Variants in FAM184A observed in about 807,000 individuals in gnomAD.
FAM184A encodes the protein protein FAM184A.
A neutral mutation model predicts 143.8 loss-of-function variants in FAM184A; 99 were observed. The ratio of observed to expected loss-of-function variants is 0.69; its 90% CI spans 0.58 to 0.81. The LOEUF is 0.81. FAM184A is among the 40% of genes least tolerant of loss of function. The pLI, the probability that FAM184A is intolerant of heterozygous loss-of-function variation, is 0.00. For missense variants in FAM184A, 1,217 were observed against 1,310.5 expected (o/e 0.93, Z 1.10); for synonymous variants, 427 against 446.4 (o/e 0.96, Z 0.55).
intron 1 of FAM184A, among the ~76,000 whole-genome samples, chr6:119,092,541 A>G (rs79117661): frequency 0.011 from 1,730 of 152,290 alleles, 21 homozygotes; most frequent in South Asian, 0.046. Context: ...GGTAATTACC[A>G]TATTATCCAT....
At chr6:119,092,085 A>G (rs555498957) in intron 1 of FAM184A, among the ~76,000 whole-genome samples, 2 of 152,304 alleles carry the variant, frequency 1.3e-5, no homozygotes, top group Non-Finnish European at 2.9e-5. Context: ...GAAGATGTGC[A>G]TGTTCATTTC....
At chr6:118,969,126 C>G (rs1223356825) in intron 14 of FAM184A, among the ~76,000 whole-genome samples, 1 of 152,150 alleles carries the variant, frequency 6.6e-6, no homozygotes, top group Non-Finnish European at 1.5e-5. Context: ...TCCCCCCTTG[C>G]TTGGCCCTTC....
intron 1 of FAM184A, among the ~76,000 whole-genome samples, chr6:119,028,129 T>C (rs1348250458): frequency 2.0e-5 from 3 of 152,200 alleles, no homozygotes; most frequent in Admixed American, 1.3e-4. Context: ...TAAAAATCCT[T>C]GCCTGCAAGC....
At chr6:119,128,261 A>G (rs1189238695) in intron 1 of FAM184A, among the ~76,000 whole-genome samples, 1 of 152,232 alleles carries the variant, frequency 6.6e-6, no homozygotes, top group Non-Finnish European at 1.5e-5. Flanking sequence ...CGCAAAACCA[A>G]GAAGATGGTG....
rs574762634 is a variant in FAM184A at position 119,128,901 on chromosome 6, G to A, written c.-202+20177C>T. Among the ~76,000 whole-genome samples the A allele has an allele frequency of 3.0e-4, 45 of 151,030 alleles. No individual in the cohort carries two copies. The East Asian group carries it at 7.4e-3, about 25-fold the overall frequency. On this transcript the variant is annotated intron_variant, in intron 1 of 16. Coordinates refer to the FAM184A transcript ENST00000352896. ...TTCCCTTACTAGTTTTTTTTTTTCC[G>A]GAGAGCCTGACACCTTTTAAGGTCC...
chr6:119,055,457 T>C (rs1431281168), intron 1 of FAM184A, among the ~76,000 whole-genome samples: 2 of 152,202 alleles, frequency 1.3e-5, no homozygotes, highest in Admixed American at 1.3e-4. Context: ...TTTTGAGAAA[T>C]TGCCAAACTG....
intron 1 of FAM184A, among the ~76,000 whole-genome samples, chr6:119,123,696 C>T (rs1439911677): frequency 6.6e-6 from 1 of 152,064 alleles, no homozygotes; most frequent in African/African-American, 2.4e-5. Context: ...CCATTCAGTC[C>T]GTTGGAGGCT....
intron 5 of FAM184A, 49 bp from the exon 6 acceptor site, chr6:119,011,480 T>C (rs1451225163): frequency 8.7e-7 from 1 of 1,145,834 alleles, no homozygotes. Context: ...AAGTATTATA[T>C]ACTTTGAAGA....
chr6:119,141,656 T>C (rs533594252), intron 1 of FAM184A, among the ~76,000 whole-genome samples: 1 of 152,004 alleles, frequency 6.6e-6, no homozygotes, highest in Non-Finnish European at 1.5e-5. Context: ...TTTGTATTTT[T>C]AGTAGAGATG....
At chr6:119,017,577 G>C (rs1464537973) in intron 4 of FAM184A, among the ~76,000 whole-genome samples, 1 of 151,730 alleles carries the variant, frequency 6.6e-6, no homozygotes, top group Non-Finnish European at 1.5e-5. Context: ...CCCACTCAAA[G>C]GATATCACTC....
chr6:118,964,440 T>A (rs1388703907), intron 16 of FAM184A, among the ~76,000 whole-genome samples: 3 of 152,176 alleles, frequency 2.0e-5, no homozygotes, highest in African/African-American at 7.2e-5. Context: ...AAAGGTAGAA[T>A]CAAGTTTTAT....
intron 1 of FAM184A, among the ~76,000 whole-genome samples, chr6:119,033,199 T>C (rs983350922): frequency 2.0e-5 from 3 of 152,230 alleles, no homozygotes; most frequent in African/African-American, 7.2e-5. Flanking sequence ...CATCTCAATA[T>C]GTCATCCTTA....
At chr6:119,106,612 A>T (rs1788791046) in intron 1 of FAM184A, among the ~76,000 whole-genome samples, 1 of 152,246 alleles carries the variant, frequency 6.6e-6, no homozygotes, top group Non-Finnish European at 1.5e-5. Context: ...GAGTAAACTC[A>T]GTATAACTAC....
Position 119,022,984 on chromosome 6 carries a change from G to T in FAM184A, c.1111C>A (p.Arg371Ser). 3 of 1,614,140 alleles carry T rather than the reference G, an allele frequency of 1.9e-6. No individual in the cohort carries two copies. The highest frequency in any genetic ancestry group is 1.7e-6 in the Non-Finnish European group (2 of 1,180,022). ...VESELAAARE[R>S]LQQQASDLVL... is the part of the protein sequence containing the mutation. ...AGATCTGAAGCTTGCTGTTGTAAAC[G>T]TTCTCTGGCAGCTGCTAGCTCACTT... is the stretch of plus-strand genomic sequence containing the variant. The change falls in exon 3 of 18, where the codon CGT becomes AGT. Residue 371 changes from arginine (R) to serine (S), a missense_variant. Physicochemically the swap from Arg to Ser is moderately radical, Grantham distance 110 (BLOSUM62 -1). Coordinates refer to ENST00000338891, the MANE Select transcript of FAM184A (RefSeq NM_024581.6).
At chr6:118,965,554 T>C (rs1249601605) in intron 15 of FAM184A, among the ~76,000 whole-genome samples, 1 of 152,196 alleles carries the variant, frequency 6.6e-6, no homozygotes, top group East Asian at 1.9e-4. Context: ...TGTGGGAGAA[T>C]GCAGGGCTGT....
intron 1 of FAM184A, among the ~76,000 whole-genome samples, chr6:119,132,680 ACAGCTCT>A (rs1789565985): frequency 1.3e-5 from 2 of 152,240 alleles, no homozygotes; most frequent in Non-Finnish European, 2.9e-5. Context: ...TAACGGACTT[ACAGCTCT>A]CTTTTCTTTT....
intron 9 of FAM184A, among the ~76,000 whole-genome samples, chr6:118,998,762 AAAAG>A (rs1478956158): frequency 1.3e-5 from 2 of 152,148 alleles, no homozygotes; most frequent in African/African-American, 4.8e-5. Flanking sequence ...ATGGCTGTAA[AAAAG>A]AAAGGGAGAG....
chr6:118,970,996 T>C (rs1783680084), intron 14 of FAM184A, among the ~76,000 whole-genome samples: 1 of 152,236 alleles, frequency 6.6e-6, no homozygotes, highest in Non-Finnish European at 1.5e-5. Context: ...GGTATACTAT[T>C]GTTTCATAAC....
chr6:118,979,311 A>G, intron 11 of FAM184A, 54 bp downstream of exon 11: 2 of 1,489,800 alleles, frequency 1.3e-6, no homozygotes, highest in South Asian at 1.3e-5. Context: ...TGAATTTAAA[A>G]AATGTTAAAA....
Sources: gnomAD v4.1 joint callset for allele counts (sites outside exome capture counted in the v4.1 genomes callset) on GRCh38, gnomAD v4.1.1 for gene constraint, MANE v1.5 for transcripts, NCBI Gene and HGNC (gene_info 2026-07-23, HGNC 2026-07-21) for gene names.